Variants in HMCN1 observed in about 807,000 individuals in gnomAD.
The protein encoded by HMCN1 is hemicentin-1.
Under a neutral mutation model 625.9 loss-of-function variants are expected in HMCN1, and 321 were observed. That is an observed-to-expected ratio of 0.51 (90% confidence interval 0.47 to 0.56). The LOEUF (loss-of-function observed/expected upper bound fraction) is 0.56, where lower values mean the gene tolerates loss of function less well. Among genes scored for constraint, HMCN1 ranks in the 20% least tolerant of loss-of-function variants. The pLI is 0.00. For synonymous variants in HMCN1, 2,425 were observed against 2,417.6 expected (o/e 1.00, Z -0.09); for missense variants, 6,588 against 6,887.3 (o/e 0.96, Z 1.54).
chr1:185,810,654 TTG>T (rs34235221), intron 1 of HMCN1, among the ~76,000 whole-genome samples: 28,445 of 147,190 alleles, frequency 0.19, 2,697 homozygotes, highest in East Asian at 0.4. Flanking sequence ...AATATCAACT[TTG>T]TGTGTGTGTG....
intron 100 of HMCN1, among the ~76,000 whole-genome samples, chr1:186,168,953 T>C (rs976148763): frequency 3.9e-5 from 6 of 152,048 alleles, no homozygotes; most frequent in Admixed American, 1.3e-4. Flanking sequence ...GTGCCTGATA[T>C]TCCCCTCCCT....
At position 185,895,295 on chromosome 1, in the gene HMCN1, C is replaced by G. The variant is rs574378033; in HGVS notation, c.622-14042C>G. Among the ~76,000 whole-genome samples the G allele has an allele frequency of 9.5e-4, 145 of 152,116 alleles. 1 individual carries two copies. The highest frequency in any genetic ancestry group is 3.4e-3 in the African/African-American group (140 of 41,518). ...AGTTCTTAGTGATTTTTTGTATGTT[C>G]CAAGATATTTTGTGGGTTTTGAGTA... On this transcript the variant is annotated intron_variant, in intron 4 of 106. Coordinates refer to ENST00000271588, the MANE Select transcript of HMCN1 (RefSeq NM_031935.3).
At chr1:185,933,416 TTGAG>T in intron 10 of HMCN1, 129 bp from the exon 11 acceptor site, 3 of 836,480 alleles carry the variant, frequency 3.6e-6, no homozygotes, top group South Asian at 1.5e-5. Context: ...TATGCATTAA[TTGAG>T]TAAGTTCTGT....
intron 55 of HMCN1, among the ~76,000 whole-genome samples, chr1:186,081,004 G>A (rs1262259005): frequency 6.6e-6 from 1 of 152,096 alleles, no homozygotes; most frequent in Non-Finnish European, 1.5e-5. Context: ...AGTGAAGAGA[G>A]GGAAGAGAAT....
chr1:185,892,873 C>A (rs59818099), intron 4 of HMCN1, among the ~76,000 whole-genome samples: 10,845 of 152,102 alleles, frequency 0.071, 1,343 homozygotes, highest in African/African-American at 0.25. Flanking sequence ...TGTTTACCTA[C>A]GGAAGCCTGG....
chr1:186,147,837 T>C (rs1650418457), intron 93 of HMCN1, among the ~76,000 whole-genome samples: 1 of 152,244 alleles, frequency 6.6e-6, no homozygotes, highest in Non-Finnish European at 1.5e-5. Context: ...ATCTTTTAGC[T>C]GGCAGAGGGT....
chr1:186,187,963 A>G lies in HMCN1; in HGVS notation c.16495A>G (p.Ile5499Val), dbSNP rs780315686. The change falls in exon 106 of 107, where the codon ATC (isoleucine) becomes GTC (valine). Residue 5499 changes from isoleucine to valine, a missense_variant. This residue lies in a region of HMCN1 where 1,954 missense variants were observed against 2,013.1 expected (regional missense o/e 0.97). Coordinates refer to ENST00000271588, the MANE Select transcript of HMCN1 (RefSeq NM_031935.3). Reference sequence around the variant, plus strand: ...CAACATGAGAGGAAGCTACCAGTGCATCGATACACCCTGTCCACCCAACTA... The same window carrying G: ...CAACATGAGAGGAAGCTACCAGTGCGTCGATACACCCTGTCCACCCAACTA... ...CFNMRGSYQC[I>V]DTPCPPNYQR... is the part of the protein sequence containing the mutation. 1 of 1,613,916 alleles carries G rather than the reference A, an allele frequency of 6.2e-7. No homozygotes were observed. Among genetic ancestry groups the G allele is most frequent in the South Asian group, 1.1e-5 (1 of 91,088 alleles).
Position 185,982,395 on chromosome 1 carries a change from A to G in HMCN1, c.2790+6A>G. 6.2e-7 allele frequency: 1 copy of G among 1,612,468 alleles called. No individual in the cohort carries two copies. The highest frequency in any genetic ancestry group is 8.5e-7 in the Non-Finnish European group (1 of 1,178,788). On this transcript the variant is annotated splice_donor_region_variant and intron_variant, in intron 18 of 106. Coordinates refer to ENST00000271588, the MANE Select transcript of HMCN1 (RefSeq NM_031935.3). ...GGATTAAGAATTCAGCTATGGTAAG[A>G]ACATTTTAAATGCATGCATTCACAT...
chr1:185,922,631 C>A (rs940919685), intron 7 of HMCN1, 132 bp downstream of exon 7: 2 of 811,132 alleles, frequency 2.5e-6, no homozygotes, highest in Non-Finnish European at 4.0e-6. Context: ...TGTGACTGTT[C>A]TCTTGGCCTA....
intron 25 of HMCN1, among the ~76,000 whole-genome samples, chr1:185,999,515 C>T (rs1653032178): frequency 6.6e-6 from 1 of 152,044 alleles, no homozygotes; most frequent in Non-Finnish European, 1.5e-5. Flanking sequence ...TTAACAGAAT[C>T]AGATCTCCAA....
At chr1:185,864,397 G>T in intron 2 of HMCN1, 73 bp from the exon 3 acceptor site, 1 of 1,438,540 alleles carries the variant, frequency 7.0e-7, no homozygotes. Flanking sequence ...AACTCCCAAA[G>T]CACCTTGTTA....
Position 186,086,806 on chromosome 1 carries a change from TA to T in HMCN1, c.9046+400del, listed in dbSNP as rs1558210855. Among the ~76,000 whole-genome samples, 8 of 24,572 alleles carry T rather than the reference TA, an allele frequency of 3.3e-4. No individual in the cohort carries two copies. In the African/African-American group the frequency reaches 8.5e-3, roughly 26 times the overall value. 16.1% of individuals were successfully genotyped at this position (24,572 alleles called of 152,430 possible). On this transcript the variant is annotated intron_variant, in intron 58 of 106. Transcript: ENST00000271588. ...GATAGATAGATAGATGATAGATAGATAGATAGATGATAGATAGATAGATAGA... is the reference window on the plus strand; with the variant it reads ...GATAGATAGATAGATGATAGATAGATGATAGATGATAGATAGATAGATAGA...
At chr1:185,965,721 A>C in intron 13 of HMCN1, 81 bp from the exon 14 acceptor site, 1 of 841,890 alleles carries the variant, frequency 1.2e-6, no homozygotes, top group Non-Finnish European at 2.1e-6. Flanking sequence ...AAATTTTTAA[A>C]TTGGTTCATT....
chr1:185,886,264 G>T (rs1664644608), intron 4 of HMCN1, among the ~76,000 whole-genome samples: 2 of 151,672 alleles, frequency 1.3e-5, no homozygotes, highest in South Asian at 4.1e-4. Flanking sequence ...GAAACAGAGA[G>T]ACAGCAGAAA....
chr1:185,809,772 C>T (rs1013776666), intron 1 of HMCN1, among the ~76,000 whole-genome samples: 2 of 151,950 alleles, frequency 1.3e-5, no homozygotes, highest in Non-Finnish European at 2.9e-5. Flanking sequence ...TCTACACTTG[C>T]CAGATTTAGT....
At chr1:186,092,523 T>A (rs906708286) in intron 64 of HMCN1, among the ~76,000 whole-genome samples, 4 of 152,026 alleles carry the variant, frequency 2.6e-5, no homozygotes, top group Non-Finnish European at 4.4e-5. Flanking sequence ...GAAATTTTGA[T>A]TTGTAATTAA....
At chr1:186,094,657 T>C (rs889278475) in intron 67 of HMCN1, among the ~76,000 whole-genome samples, 1 of 152,154 alleles carries the variant, frequency 6.6e-6, no homozygotes, top group Non-Finnish European at 1.5e-5. Context: ...TCTTTTCATG[T>C]AAAGAAAAAG....
chr1:185,956,626 T>TTTTTGG (rs889271313), intron 11 of HMCN1, among the ~76,000 whole-genome samples: 1 of 152,170 alleles, frequency 6.6e-6, no homozygotes, highest in Non-Finnish European at 1.5e-5. Context: ...CCTGGCTTTT[T>TTTTTGG]TTTTGGTTTT....
chr1:185,765,998 C>G (rs970643031), intron 1 of HMCN1, among the ~76,000 whole-genome samples: 1 of 152,046 alleles, frequency 6.6e-6, no homozygotes, highest in Non-Finnish European at 1.5e-5. Context: ...TTCTGTGTAC[C>G]CATATCCTTA....
Sources: gnomAD v4.1 joint callset for allele counts (sites outside exome capture counted in the v4.1 genomes callset) on GRCh38, gnomAD v4.1.1 for gene constraint, gnomAD v4.1.1 regional missense constraint, MANE v1.5 for transcripts, NCBI Gene and HGNC (gene_info 2026-07-23, HGNC 2026-07-21) for gene names.